LRRFIP2: variants seen among roughly 807,000 people sequenced by gnomAD.
LRRFIP2 encodes the protein LRR binding FLII interacting protein 2.
Under a neutral mutation model 125.9 loss-of-function variants are expected in LRRFIP2, and 109 were observed. The observed-to-expected ratio is 0.87, with a 90% CI of 0.74 to 1.01. The LOEUF (loss-of-function observed/expected upper bound fraction) is 1.01, where lower values mean the gene tolerates loss of function less well. Ranked by LOEUF, LRRFIP2 falls within the 50% of genes least tolerant of loss-of-function variation. LRRFIP2 has a pLI of 0.00. For missense variants in LRRFIP2, 850 were observed against 862.3 expected (o/e 0.99, Z 0.18); for synonymous variants, 291 against 293.1 (o/e 0.99, Z 0.07).
upstream of LRRFIP2, chr3:37,174,915 AT>A (rs2096636612): frequency 6.6e-6 from 1 of 152,312 alleles, no homozygotes; most frequent in Non-Finnish European, 1.5e-5. Context: ...TGAAATTCTT[AT>A]TCTACATATT....
At chr3:37,093,237 T>G (rs569995665) in intron 17 of LRRFIP2, 1 of 153,224 alleles carries the variant, frequency 6.5e-6, no homozygotes, top group Admixed American at 6.5e-5. Context: ...GACTAGCCCC[T>G]ACCTACAATC....
At chr3:37,140,427 T>C (rs531918291) in intron 2 of LRRFIP2, 1 of 152,110 alleles carries the variant, frequency 6.6e-6, no homozygotes, top group East Asian at 1.9e-4. Context: ...CATCTTTATT[T>C]ATTTATTCAT....
chr3:37,074,981 A>AT lies in LRRFIP2; in HGVS notation c.1371+42dup, dbSNP rs201405386. ...AACACATCCTCATCCCATTCAACTC[A>AT]TTTTTTTTCAAAATTAAGTATTCCC... is the stretch of plus-strand genomic sequence containing the variant. On this transcript the variant is annotated intron_variant, in intron 20 of 27. Transcript: ENST00000336686. 100 of 1,355,968 alleles carry AT rather than the reference A, an allele frequency of 7.4e-5. 1 individual carries two copies. Among genetic ancestry groups the AT allele is most frequent in the Admixed American group, 2.0e-4 (12 of 59,464 alleles). 84.0% of individuals were successfully genotyped at this position (1,355,968 alleles called of 1,614,324 possible).
chr3:37,119,778 G>A (rs1227281927), intron 6 of LRRFIP2, among the ~76,000 whole-genome samples: 1 of 152,104 alleles, frequency 6.6e-6, no homozygotes, highest in Non-Finnish European at 1.5e-5. Context: ...TCATGCCTCA[G>A]CCTCCCAAGT....
chr3:37,094,980 G>A, intron 16 of LRRFIP2, 72 bp from the exon 17 acceptor site: 2 of 964,844 alleles, frequency 2.1e-6, no homozygotes, highest in Non-Finnish European at 3.4e-6. Context: ...ACTAAAAACA[G>A]GGCAGGGTGG....
intron 2 of LRRFIP2, among the ~76,000 whole-genome samples, chr3:37,143,331 A>G (rs1359320954): frequency 6.6e-6 from 1 of 152,232 alleles, no homozygotes; most frequent in Non-Finnish European, 1.5e-5. Flanking sequence ...GGCAGTCATG[A>G]AGATGGTCTT....
At chr3:37,165,469 C>T (rs1280538302) in intron 1 of LRRFIP2, among the ~76,000 whole-genome samples, 2 of 140,906 alleles carry the variant, frequency 1.4e-5, no homozygotes, top group Non-Finnish European at 3.0e-5. Context: ...GAAAAGTTAA[C>T]TCAGGGGTCA....
Position 37,060,458 on chromosome 3 carries a change from G to A in LRRFIP2, c.1750-1548C>T, listed in dbSNP as rs1255636984. Among the ~76,000 whole-genome samples, 3 of 152,050 alleles carry A rather than the reference G, an allele frequency of 2.0e-5. No homozygotes were observed. Among genetic ancestry groups the A allele is most frequent in the African/African-American group, 7.2e-5 (3 of 41,402 alleles). On this transcript the variant is annotated intron_variant, in intron 24 of 27. Transcript: ENST00000336686. This position sits in a 1 kb window ranked among gnomAD's most constrained non-coding sequence, Gnocchi z 4.1. ...CGAGTAGCTGGGATTCCAGGTGCAT[G>A]CCACCACGTCCAATTTTTGTATTTT...
At chr3:37,092,907 C>T (rs987635864) in intron 17 of LRRFIP2, among the ~76,000 whole-genome samples, 21 of 152,058 alleles carry the variant, frequency 1.4e-4, no homozygotes, top group African/African-American at 4.3e-4. Context: ...GGCACGATCT[C>T]GGCTCACTGC....
At chr3:37,100,832 G>A (rs1576571898) in intron 15 of LRRFIP2, among the ~76,000 whole-genome samples, 1 of 152,088 alleles carries the variant, frequency 6.6e-6, no homozygotes, top group East Asian at 1.9e-4. Flanking sequence ...GAATGACTTG[G>A]AAACCAGTCT....
chr3:37,158,450 T>C (rs542651993), intron 1 of LRRFIP2, among the ~76,000 whole-genome samples: 20 of 151,288 alleles, frequency 1.3e-4, no homozygotes, highest in Non-Finnish European at 1.5e-5. Context: ...CTACTAAAAA[T>C]ACAAAAAATA....
chr3:37,135,374 G>A (rs1215688834), intron 2 of LRRFIP2, among the ~76,000 whole-genome samples: 1 of 151,002 alleles, frequency 6.6e-6, no homozygotes, highest in Non-Finnish European at 1.5e-5. Context: ...CAGGGGAATC[G>A]CTTCACCCAG....
In LRRFIP2 at chr3:37,134,916, G is replaced by C. The variant is rs543249247; in HGVS notation, c.91-5767C>G. ...TAACAGTAATGGCAGCATTTGTCTCGATATTCTAAGATCACAGTGGTTGCC... is the reference window on the plus strand; with the variant it reads ...TAACAGTAATGGCAGCATTTGTCTCCATATTCTAAGATCACAGTGGTTGCC... On this transcript the variant is annotated intron_variant, in intron 2 of 27. Transcript: ENST00000336686. 2.9e-6 allele frequency: 4 copies of C among 1,361,928 alleles called. No homozygotes were observed. In the East Asian group the frequency reaches 9.3e-5, roughly 32 times the overall value. The allele number at this position is 1,361,928 out of a possible 1,614,324, so 84.4% of individuals were successfully genotyped here. A position where few individuals can be genotyped will look rare whatever the true frequency, so the allele number is the denominator to read the frequency against.
rs561702168 is a variant in LRRFIP2, at chr3:37,172,210, CTT to C, written c.-56+2327_-56+2328del. On this transcript the variant is annotated intron_variant, in intron 1 of 27. Coordinates refer to ENST00000336686, the MANE Select transcript of LRRFIP2 (RefSeq NM_006309.4). ...GTATAGATACTAACTAATGCAAAGA[CTT>C]ATATATGTATTGTTCATTACAGCAG... 4.0e-3 allele frequency among the ~76,000 whole-genome samples: 606 copies of C among 152,256 alleles called. 3 individuals carry two copies. The highest frequency in any genetic ancestry group is 0.013 in the African/African-American group (549 of 41,548).
chr3:37,129,017 T>C, intron 3 of LRRFIP2, 46 bp downstream of exon 3: 1 of 1,542,586 alleles, frequency 6.5e-7, no homozygotes, highest in Non-Finnish European at 9.0e-7. Context: ...CAAGTACTGA[T>C]TTTGGGGGAG....
intron 1 of LRRFIP2, chr3:37,170,238 A>T (rs1394267359): frequency 6.6e-6 from 1 of 152,214 alleles, no homozygotes; most frequent in African/African-American, 2.4e-5. Context: ...TTAAGTTTGT[A>T]TGCTGAATTC....
chr3:37,062,821 C>A (rs1388512372), intron 24 of LRRFIP2, among the ~76,000 whole-genome samples: 2 of 152,242 alleles, frequency 1.3e-5, no homozygotes, highest in African/African-American at 4.8e-5. Flanking sequence ...AAACCCTCTT[C>A]TCAGGAAGCT....
At chr3:37,105,081 C>T (rs2094251678) in intron 14 of LRRFIP2, among the ~76,000 whole-genome samples, 1 of 152,116 alleles carries the variant, frequency 6.6e-6, no homozygotes, top group Non-Finnish European at 1.5e-5. Flanking sequence ...TTAATGGTAA[C>T]ATGATTTGTA....
intron 24 of LRRFIP2, 67 bp from the exon 25 acceptor site, chr3:37,058,977 G>T: frequency 1.9e-6 from 3 of 1,594,786 alleles, no homozygotes; most frequent in Non-Finnish European, 2.6e-6. Flanking sequence ...CTTATTCTAT[G>T]GTCACATCAT....
Sources: gnomAD v4.1 joint callset for allele counts (sites outside exome capture counted in the v4.1 genomes callset) on GRCh38, gnomAD v4.1.1 for gene constraint, Gnocchi (gnomAD v3.1) non-coding constraint, MANE v1.5 for transcripts, NCBI Gene and HGNC (gene_info 2026-07-23, HGNC 2026-07-21) for gene names.